Variants in DLC1 observed in about 807,000 individuals in gnomAD.
The protein encoded by DLC1 is rho GTPase-activating protein 7.
A neutral mutation model predicts 140.3 loss-of-function variants in DLC1; 54 were observed. The observed-to-expected ratio is 0.38, with a 90% confidence interval of 0.31 to 0.48. The LOEUF is 0.48. DLC1 is among the 20% of genes least tolerant of loss of function. DLC1 has a pLI of 0.96. For missense variants in DLC1, 2,536 were observed against 1,907.0 expected (o/e 1.33, Z -6.14); for synonymous variants, 986 against 728.1 (o/e 1.35, Z -5.70).
At chr8:13,097,119 ATT>A (rs1818566042) in intron 10 of DLC1, among the ~76,000 whole-genome samples, 1 of 152,130 alleles carries the variant, frequency 6.6e-6, no homozygotes, top group Non-Finnish European at 1.5e-5. Context: ...TCATCTCTAC[ATT>A]TGAGTCTATA....
At chr8:13,512,185 T>G (rs890562313) in intron 1 of DLC1, among the ~76,000 whole-genome samples, 1 of 152,042 alleles carries the variant, frequency 6.6e-6, no homozygotes, top group Non-Finnish European at 1.5e-5. Context: ...TGTTGAATAG[T>G]GTCTCTTTTA....
intron 1 of DLC1, chr8:13,558,403 C>A (rs1370566713): frequency 1.3e-5 from 2 of 152,058 alleles, no homozygotes; most frequent in African/African-American, 4.8e-5. Context: ...AGGAAGGAAC[C>A]ATGGAGGACT....
intron 5 of DLC1, among the ~76,000 whole-genome samples, chr8:13,129,986 T>C (rs1702712941): frequency 6.6e-6 from 1 of 152,164 alleles, no homozygotes; most frequent in Non-Finnish European, 1.5e-5. Context: ...GAAACTTGTG[T>C]TGACAATACT....
intron 6 of DLC1, among the ~76,000 whole-genome samples, chr8:13,112,247 C>G (rs892821030): frequency 6.6e-6 from 1 of 152,212 alleles, no homozygotes; most frequent in African/African-American, 2.4e-5. Context: ...TTTGGAGACG[C>G]AGGTAATTAG....
At chr8:13,571,822 C>G (rs1048707158) in intron 1 of DLC1, among the ~76,000 whole-genome samples, 2 of 152,152 alleles carry the variant, frequency 1.3e-5, no homozygotes, top group Non-Finnish European at 2.9e-5. Flanking sequence ...ACATTTCCAC[C>G]AGCAAGCTAC....
intron 5 of DLC1, among the ~76,000 whole-genome samples, chr8:13,141,573 C>T (rs541086976): frequency 6.6e-6 from 1 of 152,250 alleles, no homozygotes; most frequent in East Asian, 1.9e-4. Context: ...CTCTTTCTTT[C>T]TGGTGGATTG....
At chr8:13,446,478 A>T (rs532422371) in intron 2 of DLC1, among the ~76,000 whole-genome samples, 1 of 152,200 alleles carries the variant, frequency 6.6e-6, no homozygotes, top group African/African-American at 2.4e-5. Flanking sequence ...TTTAGTCATG[A>T]CTAAGTTTTA....
At chr8:13,269,233 C>A (rs2117372030) in intron 5 of DLC1, among the ~76,000 whole-genome samples, 1 of 152,266 alleles carries the variant, frequency 6.6e-6, no homozygotes, top group African/African-American at 2.4e-5. Context: ...AGAGTAAAAG[C>A]AGTACTATAG....
At chr8:13,162,803 C>T (rs866145660) in intron 5 of DLC1, among the ~76,000 whole-genome samples, 2 of 152,124 alleles carry the variant, frequency 1.3e-5, no homozygotes, top group African/African-American at 2.4e-5. Context: ...CAAAAAAGCC[C>T]GGTGTGGTGT....
At chr8:13,353,210 G>C (rs1244850682) in intron 4 of DLC1, among the ~76,000 whole-genome samples, 1 of 152,336 alleles carries the variant, frequency 6.6e-6, no homozygotes. Context: ...TTTCTTGCAA[G>C]ACGAACACCC....
intron 4 of DLC1, among the ~76,000 whole-genome samples, chr8:13,324,572 CAA>C (rs5889431): frequency 2.7e-5 from 3 of 110,238 alleles, no homozygotes; most frequent in African/African-American, 7.1e-5. Flanking sequence ...GACTCCGTCT[CAA>C]AAAAAAAAAA....
intron 5 of DLC1, among the ~76,000 whole-genome samples, chr8:13,174,239 C>G (rs1020281162): frequency 1.1e-4 from 16 of 152,118 alleles, no homozygotes; most frequent in African/African-American, 3.9e-4. Flanking sequence ...TGTATGTGTT[C>G]CACATTTTCT....
chr8:13,303,415 T>TA (rs199638333), intron 5 of DLC1, among the ~76,000 whole-genome samples: 1 of 152,120 alleles, frequency 6.6e-6, no homozygotes, highest in Non-Finnish European at 1.5e-5. Context: ...TTGATTTCAT[T>TA]AAAAAAATTG....
At chr8:13,183,550 C>T (rs1826163359) in intron 5 of DLC1, among the ~76,000 whole-genome samples, 1 of 152,136 alleles carries the variant, frequency 6.6e-6, no homozygotes, top group Non-Finnish European at 1.5e-5. Context: ...TGTTGAAGGC[C>T]TTTTCTGCAT....
intron 2 of DLC1, among the ~76,000 whole-genome samples, chr8:13,424,313 A>G (rs947856610): frequency 1.3e-5 from 2 of 151,970 alleles, no homozygotes; most frequent in Non-Finnish European, 2.9e-5. Context: ...ACATGGTGAA[A>G]CCCCATCTCT....
At chr8:13,408,299 C>G (rs533361018) in intron 2 of DLC1, among the ~76,000 whole-genome samples, 5 of 152,268 alleles carry the variant, frequency 3.3e-5, no homozygotes, top group South Asian at 2.1e-4. Flanking sequence ...AAAGTTGCAA[C>G]AAGCAATCTT....
chr8:13,392,229 T>C (rs891032724), intron 4 of DLC1, among the ~76,000 whole-genome samples: 3 of 152,198 alleles, frequency 2.0e-5, no homozygotes, highest in Non-Finnish European at 4.4e-5. Flanking sequence ...CGTTTCACTG[T>C]TTACATACTT....
chr8:13,323,638 A>G (rs1586137794), intron 4 of DLC1, among the ~76,000 whole-genome samples: 2 of 152,310 alleles, frequency 1.3e-5, no homozygotes, highest in East Asian at 3.9e-4. Flanking sequence ...ACATTAAGGA[A>G]CTTAGATTTT....
intron 5 of DLC1, among the ~76,000 whole-genome samples, chr8:13,164,501 C>A (rs775609021): frequency 6.6e-6 from 1 of 152,084 alleles, no homozygotes; most frequent in South Asian, 2.1e-4. Flanking sequence ...ATATCTTCCC[C>A]TTGTTTTCTC....
Sources: gnomAD v4.1 joint callset for allele counts (sites outside exome capture counted in the v4.1 genomes callset) on GRCh38, gnomAD v4.1.1 for gene constraint, MANE v1.5 for transcripts, NCBI Gene and HGNC (gene_info 2026-07-23, HGNC 2026-07-21) for gene names.